PLCL1: variants seen among roughly 807,000 people sequenced by gnomAD.
PLCL1 encodes the protein inactive phospholipase C-like protein 1.
PLCL1 carries 41 observed loss-of-function variants against 84.4 expected under a neutral mutation model. The observed-to-expected ratio is 0.49, with a 90% CI of 0.38 to 0.63. PLCL1 has a LOEUF of 0.63. Among genes scored for constraint, PLCL1 ranks in the 30% least tolerant of loss-of-function variants. PLCL1 has a pLI of 0.00. For missense variants in PLCL1, 1,206 were observed against 1,367.8 expected (o/e 0.88, Z 1.87); for synonymous variants, 490 against 488.3 (o/e 1.00, Z -0.05).
At chr2:197,834,456 G>GA (rs1277832310) in intron 1 of PLCL1, among the ~76,000 whole-genome samples, 1 of 151,972 alleles carries the variant, frequency 6.6e-6, no homozygotes, top group Non-Finnish European at 1.5e-5. Context: ...AAATTTACAA[G>GA]AAAAAAACAA....
intron 1 of PLCL1, among the ~76,000 whole-genome samples, chr2:197,808,510 G>A (rs571249405): frequency 2.0e-5 from 3 of 152,012 alleles, no homozygotes; most frequent in Non-Finnish European, 2.9e-5. Flanking sequence ...GTAAAAATGA[G>A]TTTCCAAAAA....
intron 1 of PLCL1, among the ~76,000 whole-genome samples, chr2:197,920,154 T>C (rs182497239): frequency 2.6e-4 from 39 of 152,256 alleles, no homozygotes; most frequent in Middle Eastern, 3.4e-3. Flanking sequence ...GTCCGTCAAA[T>C]TAAACTTTTG....
At chr2:197,886,446 A>AAAAAAAC (rs1687924959) in intron 1 of PLCL1, among the ~76,000 whole-genome samples, 1 of 147,070 alleles carries the variant, frequency 6.8e-6, no homozygotes, top group Non-Finnish European at 1.5e-5. Flanking sequence ...AAAAAAAAAA[A>AAAAAAAC]AAAAAAGTAA....
intron 1 of PLCL1, among the ~76,000 whole-genome samples, chr2:197,897,861 C>G (rs1352643413): frequency 6.6e-6 from 1 of 152,188 alleles, no homozygotes; most frequent in African/African-American, 2.4e-5. Flanking sequence ...CCTCAAGAAG[C>G]ATGTGACAGG....
intron 1 of PLCL1, among the ~76,000 whole-genome samples, chr2:197,969,317 G>T (rs1034919583): frequency 6.6e-6 from 1 of 152,136 alleles, no homozygotes; most frequent in Admixed American, 6.5e-5. Flanking sequence ...TTTTTATAGG[G>T]TGTGCATAGT....
chr2:198,005,420 A>G (rs976610314), intron 1 of PLCL1, among the ~76,000 whole-genome samples: 2 of 152,236 alleles, frequency 1.3e-5, no homozygotes, highest in Admixed American at 6.5e-5. Flanking sequence ...AGGCCTTGAA[A>G]TGGAAACTGC....
intron 1 of PLCL1, among the ~76,000 whole-genome samples, chr2:197,810,666 TG>T (rs1017256944): frequency 6.6e-6 from 1 of 152,236 alleles, no homozygotes; most frequent in African/African-American, 2.4e-5. Context: ...TTGGTGCTAC[TG>T]AACAAGCAAT....
rs376617086 is a variant in PLCL1, at chr2:198,049,731, AC to A, written c.241-34025del. On this transcript the variant is annotated intron_variant, in intron 1 of 5. Coordinates refer to ENST00000428675, the MANE Select transcript of PLCL1 (RefSeq NM_006226.4). ...TCATGTCTCTTGAGTGAAACTTGGC[AC>A]CTCCAGCTTACAACTGTGTGGTGGT... is the stretch of plus-strand genomic sequence containing the variant. 2.5e-4 allele frequency among the ~76,000 whole-genome samples: 38 copies of A among 152,188 alleles called. 1 individual carries two copies. In the East Asian group the frequency reaches 6.2e-3, roughly 25 times the overall value.
intron 1 of PLCL1, among the ~76,000 whole-genome samples, chr2:198,068,059 T>C (rs1266323574): frequency 6.6e-6 from 1 of 152,240 alleles, no homozygotes; most frequent in Non-Finnish European, 1.5e-5. Context: ...GGTTTCCTGA[T>C]AGCAAAGCTA....
At chr2:197,836,681 A>C (rs890283582) in intron 1 of PLCL1, among the ~76,000 whole-genome samples, 1 of 152,178 alleles carries the variant, frequency 6.6e-6, no homozygotes, top group Admixed American at 6.5e-5. Flanking sequence ...GTTAAGTTAC[A>C]TATTTTACTA....
intron 5 of PLCL1, among the ~76,000 whole-genome samples, chr2:198,119,411 G>A (rs1030592944): frequency 2.6e-5 from 4 of 151,942 alleles, no homozygotes; most frequent in Non-Finnish European, 4.4e-5. Flanking sequence ...TGTGATGGGG[G>A]CTTTGCTTAC....
At position 198,134,582 on chromosome 2, in the gene PLCL1, G is replaced by A. The variant is rs181238982; in HGVS notation, c.3106-12198G>A. 5.2e-4 allele frequency among the ~76,000 whole-genome samples: 79 copies of A among 152,214 alleles called. 2 individuals carry two copies. Among genetic ancestry groups the A allele is most frequent in the Middle Eastern group, 3.4e-3 (1 of 294 alleles). On this transcript the variant is annotated intron_variant, in intron 5 of 5. Coordinates refer to ENST00000428675, the MANE Select transcript of PLCL1 (RefSeq NM_006226.4). ...TACAAGGCTATGGGATGGGCCAGCC[G>A]TACACATGCCATGATTCACTCTCAA... is the stretch of plus-strand genomic sequence containing the variant.
intron 1 of PLCL1, among the ~76,000 whole-genome samples, chr2:197,891,248 A>G (rs1056902461): frequency 1.3e-5 from 2 of 152,170 alleles, no homozygotes; most frequent in African/African-American, 4.8e-5. Flanking sequence ...ATATAGGCCC[A>G]TGTTCACACT....
intron 1 of PLCL1, among the ~76,000 whole-genome samples, chr2:197,815,007 A>G (rs910951890): frequency 3.3e-5 from 5 of 152,202 alleles, no homozygotes; most frequent in Admixed American, 3.3e-4. Context: ...GTGAAGCAGC[A>G]AGTGCTGATG....
At chr2:197,882,551 G>C (rs547213906) in intron 1 of PLCL1, among the ~76,000 whole-genome samples, 14 of 151,882 alleles carry the variant, frequency 9.2e-5, no homozygotes, top group Non-Finnish European at 1.9e-4. Context: ...AGCACTCAAG[G>C]GAGTTTTGTT....
chr2:198,105,741 T>C (rs527967848), intron 5 of PLCL1, among the ~76,000 whole-genome samples: 72 of 151,862 alleles, frequency 4.7e-4, no homozygotes, highest in African/African-American at 1.7e-3. Context: ...CAAATGATTT[T>C]GAAGAGACAA....
chr2:197,853,403 C>T (rs543266169), intron 1 of PLCL1, among the ~76,000 whole-genome samples: 7 of 152,220 alleles, frequency 4.6e-5, no homozygotes, highest in Non-Finnish European at 7.3e-5. Context: ...ATTGCTGGAT[C>T]GATCATATGG....
intron 1 of PLCL1, among the ~76,000 whole-genome samples, chr2:197,830,603 A>G (rs1691036307): frequency 6.6e-6 from 1 of 152,132 alleles, no homozygotes; most frequent in Admixed American, 6.5e-5. Flanking sequence ...ACTTTTCAGG[A>G]TATTATCCAG....
At chr2:197,915,475 GT>G (rs536426008) in intron 1 of PLCL1, among the ~76,000 whole-genome samples, 171 of 144,884 alleles carry the variant, frequency 1.2e-3, no homozygotes, top group Middle Eastern at 3.5e-3. Flanking sequence ...TAAAAGGAGG[GT>G]TTTTTTTTTT....
Sources: allele counts gnomAD v4.1 joint callset (sites outside exome capture counted in the v4.1 genomes callset), GRCh38; gene constraint gnomAD v4.1.1; transcripts MANE v1.5; gene names NCBI Gene and HGNC (gene_info 2026-07-23, HGNC 2026-07-21).